CDH13: variants seen among roughly 807,000 people sequenced by gnomAD.
The protein encoded by CDH13 is cadherin 13, also known as cadherin-13.
In CDH13, 24 loss-of-function variants were observed where a neutral mutation model predicts 63.8. That is an observed-to-expected ratio of 0.38 (90% CI 0.27 to 0.53). The LOEUF (loss-of-function observed/expected upper bound fraction) is 0.53. CDH13 is among the 20% of genes least tolerant of loss of function. The pLI is 0.85. For missense variants in CDH13, 1,049 were observed against 903.1 expected, an observed-to-expected ratio of 1.16 and a Z score of -2.07; for synonymous variants, 503 against 355.3, an observed-to-expected ratio of 1.42 and a Z score of -4.67.
intron 10 of CDH13, among the ~76,000 whole-genome samples, chr16:83,713,451 A>T (rs1433583314): frequency 6.6e-6 from 1 of 151,936 alleles, no homozygotes; most frequent in Non-Finnish European, 1.5e-5. Flanking sequence ...GAGATTTTGA[A>T]GGGGGAAAAC....
intron 5 of CDH13, among the ~76,000 whole-genome samples, chr16:83,263,169 A>T (rs1373291582): frequency 6.6e-6 from 1 of 152,220 alleles, no homozygotes; most frequent in African/African-American, 2.4e-5. Context: ...CGCAAGACCT[A>T]GCAGTAATTT....
chr16:83,624,766 A>G (rs142305328), intron 8 of CDH13, among the ~76,000 whole-genome samples: 1 of 152,098 alleles, frequency 6.6e-6, no homozygotes, highest in Non-Finnish European at 1.5e-5. Flanking sequence ...CCTGTGGTTG[A>G]CTGCACCAAC....
intron 2 of CDH13, among the ~76,000 whole-genome samples, chr16:83,001,736 T>G (rs1912957571): frequency 6.6e-6 from 1 of 152,150 alleles, no homozygotes; most frequent in South Asian, 2.1e-4. Flanking sequence ...CAGAGGACAT[T>G]TGATGTAAAG....
intron 7 of CDH13, among the ~76,000 whole-genome samples, chr16:83,564,282 T>G (rs555624078): frequency 6.6e-6 from 1 of 151,698 alleles, no homozygotes; most frequent in Admixed American, 6.6e-5. Context: ...GGCAAGCAAG[T>G]AATCAGGGAA....
chr16:82,708,166 C>A (rs906106234), intron 1 of CDH13, among the ~76,000 whole-genome samples: 2 of 152,164 alleles, frequency 1.3e-5, no homozygotes, highest in African/African-American at 4.8e-5. Flanking sequence ...TCCAATGTTG[C>A]TTACATCACA....
At chr16:82,682,113 G>T (rs931383415) in intron 1 of CDH13, among the ~76,000 whole-genome samples, 13 of 152,222 alleles carry the variant, frequency 8.5e-5, no homozygotes, top group Non-Finnish European at 1.8e-4. Flanking sequence ...TGTATGAGAA[G>T]ACACTGGCTT....
intron 4 of CDH13, among the ~76,000 whole-genome samples, chr16:83,212,689 G>A (rs1255450465): frequency 6.6e-6 from 1 of 152,176 alleles, no homozygotes; most frequent in Non-Finnish European, 1.5e-5. Context: ...AACAGGGATG[G>A]TGCTGAAAGC....
At chr16:83,532,799 C>G (rs1434645885) in intron 7 of CDH13, among the ~76,000 whole-genome samples, 2 of 152,150 alleles carry the variant, frequency 1.3e-5, no homozygotes, top group Middle Eastern at 3.2e-3. Context: ...AGCAGTTGTC[C>G]CATTAAGCCA....
intron 1 of CDH13, among the ~76,000 whole-genome samples, chr16:82,773,840 A>G (rs543822847): frequency 6.1e-4 from 91 of 150,212 alleles, no homozygotes; most frequent in Admixed American, 1.1e-3. Flanking sequence ...CTGGAGTGCA[A>G]TTGCGCGATC....
In CDH13 at chr16:83,484,852, TC is replaced by T. The variant is rs1231711513; in HGVS notation, c.782-1624del. ...AAGGAAAGTTAAAACGTGCCACATT[TC>T]ACATCAGTTTCTGTATACTTCAAGT... is the stretch of plus-strand genomic sequence containing the variant. On this transcript the variant is annotated intron_variant, in intron 6 of 13. Coordinates refer to ENST00000567109, the MANE Select transcript of CDH13 (RefSeq NM_001257.5). 9.2e-5 allele frequency among the ~76,000 whole-genome samples: 14 copies of T among 152,350 alleles called. 1 individual carries two copies. Among genetic ancestry groups the T allele is most frequent in the African/African-American group, 3.4e-4 (14 of 41,582 alleles).
chr16:83,414,195 A>C (rs909034218), intron 6 of CDH13, among the ~76,000 whole-genome samples: 1 of 152,204 alleles, frequency 6.6e-6, no homozygotes, highest in African/African-American at 2.4e-5. Flanking sequence ...GGAATTTTCC[A>C]TATGAATCAA....
At chr16:82,978,878 C>G (rs2325827) in intron 2 of CDH13, among the ~76,000 whole-genome samples, 1 of 136,800 alleles carries the variant, frequency 7.3e-6, no homozygotes, top group South Asian at 2.2e-4. Context: ...GTAGCTCCAC[C>G]GACAGCTTGC....
intron 6 of CDH13, among the ~76,000 whole-genome samples, chr16:83,417,295 C>T (rs1391521881): frequency 6.6e-6 from 1 of 152,188 alleles, no homozygotes; most frequent in Non-Finnish European, 1.5e-5. Context: ...AACAGCCTCC[C>T]TTTCCGGTTT....
intron 6 of CDH13, among the ~76,000 whole-genome samples, chr16:83,361,396 G>C (rs1426092867): frequency 6.6e-6 from 1 of 152,140 alleles, no homozygotes; most frequent in Non-Finnish European, 1.5e-5. Context: ...CATTTACTCT[G>C]TTGATAGTTT....
chr16:83,323,222 C>CTTTCTTTCTTTCTTTT (rs2090278158), intron 5 of CDH13, among the ~76,000 whole-genome samples: 4 of 142,514 alleles, frequency 2.8e-5, no homozygotes, highest in African/African-American at 1.0e-4. Context: ...TTCTTTCTTT[C>CTTTCTTTCTTTCTTTT]TTTCTTTCTT....
At chr16:83,266,859 G>A (rs1483913782) in intron 5 of CDH13, among the ~76,000 whole-genome samples, 1 of 152,040 alleles carries the variant, frequency 6.6e-6, no homozygotes, top group Non-Finnish European at 1.5e-5. Flanking sequence ...CACCATTCCT[G>A]GTCTCAAGTC....
intron 6 of CDH13, among the ~76,000 whole-genome samples, chr16:83,432,531 C>T (rs1304758109): frequency 6.6e-6 from 1 of 152,184 alleles, no homozygotes; most frequent in Admixed American, 6.5e-5. Context: ...CCTCTCCTCA[C>T]CACAGCTGCT....
intron 6 of CDH13, among the ~76,000 whole-genome samples, chr16:83,372,611 G>T (rs937639650): frequency 6.6e-6 from 1 of 151,910 alleles, no homozygotes; most frequent in South Asian, 2.1e-4. Flanking sequence ...AATTTACTGG[G>T]TGTGGTGGCA....
At chr16:83,184,780 G>A (rs558930438) in intron 4 of CDH13, among the ~76,000 whole-genome samples, 1 of 152,102 alleles carries the variant, frequency 6.6e-6, no homozygotes, top group Non-Finnish European at 1.5e-5. Flanking sequence ...TGAGTCCAGG[G>A]TGGGTGTTGA....
Sources: allele counts gnomAD v4.1 joint callset (sites outside exome capture counted in the v4.1 genomes callset), GRCh38; gene constraint gnomAD v4.1.1; transcripts MANE v1.5; gene names NCBI Gene and HGNC (gene_info 2026-07-23, HGNC 2026-07-21).